Variants in RARB observed in about 807,000 individuals in gnomAD.
RARB encodes HBV-activated protein.
A neutral mutation model predicts 51.9 loss-of-function variants in RARB; 17 were observed. That is an observed-to-expected ratio of 0.33 (90% confidence interval 0.22 to 0.49). The LOEUF is 0.49. Among genes scored for constraint, RARB ranks in the 20% least tolerant of loss-of-function variants. The pLI, the probability that RARB is intolerant of heterozygous loss-of-function variation, is 0.99. For synonymous variants in RARB, 215 were observed against 195.4 expected (o/e 1.10, Z -0.84); for missense variants, 369 against 550.8 (o/e 0.67, Z 3.30).
At chr3:25,354,690 C>T (rs1194018546) in intron 5 of RARB, among the ~76,000 whole-genome samples, 2 of 152,038 alleles carry the variant, frequency 1.3e-5, no homozygotes, top group Non-Finnish European at 2.9e-5. Context: ...AGTAAAATGC[C>T]TCAGTATTTC....
At chr3:24,941,666 G>C (rs371931322) in intron 2 of RARB, among the ~76,000 whole-genome samples, 4 of 152,022 alleles carry the variant, frequency 2.6e-5, no homozygotes, top group African/African-American at 9.7e-5. Flanking sequence ...ACCGTGCCCA[G>C]ATAAAAGGCA....
At chr3:25,072,988 G>A (rs1303789649) in intron 3 of RARB, among the ~76,000 whole-genome samples, 2 of 152,146 alleles carry the variant, frequency 1.3e-5, no homozygotes, top group South Asian at 2.1e-4. Flanking sequence ...GTGAGCCACC[G>A]CGCCCGGCCG....
chr3:24,967,565 T>G (rs1040158203), intron 2 of RARB, among the ~76,000 whole-genome samples: 3 of 152,164 alleles, frequency 2.0e-5, no homozygotes, highest in African/African-American at 7.2e-5. Context: ...GAGAATGAAC[T>G]GGTTGACTGA....
chr3:25,131,315 G>A (rs553641050), intron 3 of RARB, among the ~76,000 whole-genome samples: 8 of 152,100 alleles, frequency 5.3e-5, no homozygotes, highest in African/African-American at 7.2e-5. Context: ...GGAGTCATTC[G>A]CTCTTTAACA....
chr3:25,199,610 A>C (rs569247894), intron 5 of RARB, among the ~76,000 whole-genome samples: 1 of 152,098 alleles, frequency 6.6e-6, no homozygotes, highest in East Asian at 1.9e-4. Context: ...CCGACACCAC[A>C]ACAGGCACTG....
At chr3:25,487,059 C>T (rs1367595981) in intron 2 of RARB, among the ~76,000 whole-genome samples, 2 of 152,142 alleles carry the variant, frequency 1.3e-5, no homozygotes, top group African/African-American at 2.4e-5. Context: ...CCTGCTCAGT[C>T]ACACACTTTC....
At position 25,593,093 on chromosome 3, in the gene RARB, T is replaced by G. The variant is rs115225735; in HGVS notation, c.787-410T>G. Among the ~76,000 whole-genome samples the G allele has an allele frequency of 2.1e-3, 319 of 152,314 alleles. 4 individuals are homozygous for G. Among genetic ancestry groups the G allele is most frequent in the African/African-American group, 7.3e-3 (305 of 41,572 alleles). ...AATGTAGGGTATGTACAAAACTTGA[T>G]ATATACTATGCATTTAATAAATTGT... On this transcript the variant is annotated intron_variant, in intron 5 of 7. Coordinates refer to ENST00000330688, the MANE Select transcript of RARB (RefSeq NM_000965.5).
chr3:24,970,042 C>T (rs893071778), intron 2 of RARB, among the ~76,000 whole-genome samples: 4 of 151,984 alleles, frequency 2.6e-5, no homozygotes, highest in African/African-American at 9.7e-5. Flanking sequence ...GCAGACAGTA[C>T]ATATTTTAGG....
chr3:25,444,440 G>A (rs1575409653), intron 1 of RARB, among the ~76,000 whole-genome samples: 1 of 152,182 alleles, frequency 6.6e-6, no homozygotes, highest in Non-Finnish European at 1.5e-5. Context: ...TCTTCTAATT[G>A]CTGTGCCCCT....
intron 5 of RARB, among the ~76,000 whole-genome samples, chr3:25,283,069 C>A (rs1022232067): frequency 1.3e-5 from 2 of 152,178 alleles, no homozygotes; most frequent in Non-Finnish European, 2.9e-5. Context: ...ATGTAGCTGG[C>A]TGTAGGTCTC....
At chr3:25,472,312 G>A (rs1559420823) in intron 2 of RARB, among the ~76,000 whole-genome samples, 2 of 152,074 alleles carry the variant, frequency 1.3e-5, no homozygotes, top group African/African-American at 4.8e-5. Flanking sequence ...AGAGAGCGTG[G>A]GGGAGGCAGT....
At chr3:24,871,487 G>T (rs562337591) in intron 2 of RARB, among the ~76,000 whole-genome samples, 3 of 151,878 alleles carry the variant, frequency 2.0e-5, no homozygotes, top group Non-Finnish European at 4.4e-5. Context: ...TCCTTTTCAC[G>T]CACCCCTCTA....
chr3:25,526,134 A>C (rs1485662425), intron 3 of RARB, among the ~76,000 whole-genome samples: 1 of 152,224 alleles, frequency 6.6e-6, no homozygotes, highest in Non-Finnish European at 1.5e-5. Flanking sequence ...AAGCCTGAGC[A>C]CAAGTATGGA....
At chr3:25,379,694 A>G (rs1225934888) in intron 5 of RARB, among the ~76,000 whole-genome samples, 1 of 152,256 alleles carries the variant, frequency 6.6e-6, no homozygotes, top group East Asian at 1.9e-4. Context: ...GGGAGATTAC[A>G]GTCAAATAGA....
At chr3:25,501,048 A>G (rs774790670) in intron 2 of RARB, 134 bp from the exon 3 acceptor site, 7 of 1,056,510 alleles carry the variant, frequency 6.6e-6, no homozygotes, top group Non-Finnish European at 9.2e-6. Flanking sequence ...TTTAAGGTTT[A>G]TGTAAGTTAA....
At chr3:25,396,834 C>A (rs183342960) in intron 5 of RARB, among the ~76,000 whole-genome samples, 13 of 152,224 alleles carry the variant, frequency 8.5e-5, no homozygotes, top group Admixed American at 8.5e-4. Context: ...CAGTGACTGG[C>A]CTTACCCAGT....
chr3:25,100,188 C>T (rs1341315403), intron 3 of RARB, among the ~76,000 whole-genome samples: 1 of 152,052 alleles, frequency 6.6e-6, no homozygotes, highest in Non-Finnish European at 1.5e-5. Context: ...ACAACATATC[C>T]GTTTTTATAT....
intron 2 of RARB, among the ~76,000 whole-genome samples, chr3:24,862,944 T>C (rs1702781619): frequency 6.6e-6 from 1 of 152,022 alleles, no homozygotes; most frequent in African/African-American, 2.4e-5. Flanking sequence ...GGAGCTTTAG[T>C]GGGAATTGTG....
chr3:24,846,977 G>A (rs1313438709), intron 1 of RARB, among the ~76,000 whole-genome samples: 1 of 152,138 alleles, frequency 6.6e-6, no homozygotes, highest in African/African-American at 2.4e-5. Flanking sequence ...ATTCGTAAGA[G>A]TGTCTTCTAT....
Sources: gnomAD v4.1 joint callset for allele counts (sites outside exome capture counted in the v4.1 genomes callset) on GRCh38, gnomAD v4.1.1 for gene constraint, MANE v1.5 for transcripts, NCBI Gene and HGNC (gene_info 2026-07-23, HGNC 2026-07-21) for gene names.